Variants in ZNF385B observed in about 807,000 individuals in gnomAD.
The protein encoded by ZNF385B is zinc finger protein 385B.
In ZNF385B, 23 loss-of-function variants were observed where a neutral mutation model predicts 39.2. The observed-to-expected ratio is 0.59, with a 90% CI of 0.42 to 0.83. ZNF385B has a LOEUF of 0.83. Ranked by LOEUF, ZNF385B falls within the 40% of genes least tolerant of loss-of-function variation. The pLI, the probability that ZNF385B is intolerant of heterozygous loss-of-function variation, is 0.00. For synonymous variants in ZNF385B, 205 were observed against 222.6 expected (o/e 0.92, Z 0.70); for missense variants, 552 against 598.9 (o/e 0.92, Z 0.82).
chr2:179,619,571 A>G (rs927920758), intron 3 of ZNF385B, among the ~76,000 whole-genome samples: 13 of 152,208 alleles, frequency 8.5e-5, no homozygotes, highest in African/African-American at 2.7e-4. Context: ...AAACAGTGAT[A>G]CTTTCTATCA....
At chr2:179,525,826 T>C (rs2058851036) in intron 4 of ZNF385B, among the ~76,000 whole-genome samples, 1 of 152,202 alleles carries the variant, frequency 6.6e-6, no homozygotes, top group Non-Finnish European at 1.5e-5. Flanking sequence ...AAGAGCAATA[T>C]TTCTCTAAAG....
intron 3 of ZNF385B, among the ~76,000 whole-genome samples, chr2:179,647,023 G>A (rs965881500): frequency 6.6e-6 from 1 of 152,114 alleles, no homozygotes; most frequent in African/African-American, 2.4e-5. Flanking sequence ...GAAACAGACT[G>A]CCTGCCCTCC....
intron 1 of ZNF385B, among the ~76,000 whole-genome samples, chr2:179,803,870 T>G (rs1706187527): frequency 6.6e-6 from 1 of 152,150 alleles, no homozygotes; most frequent in African/African-American, 2.4e-5. Context: ...TTCACTCAGG[T>G]TGTGCTACAC....
chr2:179,573,777 C>CA (rs1231714781), intron 3 of ZNF385B, among the ~76,000 whole-genome samples: 1 of 152,074 alleles, frequency 6.6e-6, no homozygotes, highest in African/African-American at 2.4e-5. Context: ...AGGAAAAAGA[C>CA]AAGTTGTGTG....
chr2:179,647,008 A>T (rs923576397), intron 3 of ZNF385B, among the ~76,000 whole-genome samples: 6 of 152,204 alleles, frequency 3.9e-5, no homozygotes, highest in African/African-American at 1.4e-4. Context: ...ACTTTTAGAC[A>T]GACAGAAACA....
At chr2:179,708,762 C>A (rs114374523) in intron 3 of ZNF385B, among the ~76,000 whole-genome samples, 144 of 152,236 alleles carry the variant, frequency 9.5e-4, no homozygotes, top group African/African-American at 3.0e-3. Flanking sequence ...TGAAGAGTGG[C>A]ACTGAAACAA....
Position 179,750,469 on chromosome 2 carries a change from A to G in ZNF385B, c.298+19034T>C, listed in dbSNP as rs144245679. ...AAAGTATATCAGTATTCCTTCTACT[A>G]TATGTATCATCACCAGGTCTGAAGT... On this transcript the variant is annotated intron_variant, in intron 3 of 9. Transcript: ENST00000410066. Among the ~76,000 whole-genome samples the G allele has an allele frequency of 8.8e-3, 1,340 of 152,288 alleles. 14 individuals carry two copies. The highest frequency in any genetic ancestry group is 0.03 in the African/African-American group (1,239 of 41,580).
chr2:179,717,847 C>A (rs1326459502), intron 3 of ZNF385B, among the ~76,000 whole-genome samples: 1 of 152,208 alleles, frequency 6.6e-6, no homozygotes, highest in Non-Finnish European at 1.5e-5. Flanking sequence ...AAGCATAGGA[C>A]ATCATATATA....
At chr2:179,842,931 G>A (rs1423453985) in intron 1 of ZNF385B, among the ~76,000 whole-genome samples, 3 of 152,136 alleles carry the variant, frequency 2.0e-5, no homozygotes, top group Non-Finnish European at 4.4e-5. Flanking sequence ...TTGGTGTGGA[G>A]GGAGCCTGCC....
At chr2:179,729,194 A>T (rs1701222416) in intron 3 of ZNF385B, among the ~76,000 whole-genome samples, 1 of 152,012 alleles carries the variant, frequency 6.6e-6, no homozygotes, top group African/African-American at 2.4e-5. Flanking sequence ...TGAAAATCCC[A>T]AAAGGAAACA....
At chr2:179,662,280 A>G (rs1031667745) in intron 3 of ZNF385B, among the ~76,000 whole-genome samples, 5 of 152,144 alleles carry the variant, frequency 3.3e-5, no homozygotes, top group African/African-American at 4.8e-5. Flanking sequence ...GAATAGAAAT[A>G]TCAAAAAGAT....
In ZNF385B at chr2:179,585,590, T is replaced by G. The variant is rs116624304; in HGVS notation, c.299-40621A>C. On this transcript the variant is annotated intron_variant, in intron 3 of 9. Transcript: ENST00000410066. The stretch of plus-strand genomic sequence containing the variant: ...TATCTGTCAAGATCTAAAAATATAT[T>G]TCCATTAAGTGTGTTTATGAAAATC... Among the ~76,000 whole-genome samples, 1,134 of 152,350 alleles carry G rather than the reference T, an allele frequency of 7.4e-3. 15 individuals are homozygous for G. The highest frequency in any genetic ancestry group is 0.026 in the African/African-American group (1,062 of 41,586).
intron 3 of ZNF385B, among the ~76,000 whole-genome samples, chr2:179,649,378 T>C (rs574477855): frequency 1.3e-5 from 2 of 152,354 alleles, no homozygotes; most frequent in African/African-American, 2.4e-5. Flanking sequence ...TCTATGTCTA[T>C]TTTGATGATT....
At chr2:179,843,769 A>G (rs150372976) in intron 1 of ZNF385B, among the ~76,000 whole-genome samples, 5 of 152,338 alleles carry the variant, frequency 3.3e-5, no homozygotes, top group Non-Finnish European at 5.9e-5. Context: ...CCATCTGTCA[A>G]ACTCAATCTA....
At chr2:179,816,017 C>T (rs926775298) in intron 1 of ZNF385B, among the ~76,000 whole-genome samples, 1 of 152,096 alleles carries the variant, frequency 6.6e-6, no homozygotes, top group Non-Finnish European at 1.5e-5. Context: ...CACACACACA[C>T]ACACACCTGC....
At chr2:179,545,797 C>T (rs533023919) in intron 3 of ZNF385B, among the ~76,000 whole-genome samples, 27 of 152,120 alleles carry the variant, frequency 1.8e-4, no homozygotes, top group Non-Finnish European at 3.5e-4. Flanking sequence ...ATTTATGAGG[C>T]ACACAAGATA....
intron 1 of ZNF385B, among the ~76,000 whole-genome samples, chr2:179,792,108 C>T (rs1046617328): frequency 7.2e-5 from 11 of 152,110 alleles, no homozygotes; most frequent in African/African-American, 2.2e-4. Context: ...CTCCTGATTA[C>T]TGGACTTTTG....
intron 3 of ZNF385B, among the ~76,000 whole-genome samples, chr2:179,739,985 C>T (rs1299188570): frequency 1.3e-5 from 2 of 152,044 alleles, no homozygotes; most frequent in Non-Finnish European, 2.9e-5. Context: ...TATACTATTA[C>T]CCATTGTGCA....
Position 179,460,730 on chromosome 2 carries a change from C to T in ZNF385B, c.716-13960G>A, listed in dbSNP as rs549912957. Among the ~76,000 whole-genome samples, 5 of 152,308 alleles carry T rather than the reference C, an allele frequency of 3.3e-5. No homozygotes were observed. In the South Asian group the frequency reaches 6.2e-4, roughly 19 times the overall value. ...CTCAACCAGTCCTGTGGTCCTGACT[C>T]AGAGGCTGACTCAGCCACGAGGACA... On this transcript the variant is annotated intron_variant, in intron 6 of 9. Coordinates refer to ENST00000410066, the MANE Select transcript of ZNF385B (RefSeq NM_152520.6).
Sources: gnomAD v4.1 joint callset for allele counts (sites outside exome capture counted in the v4.1 genomes callset) on GRCh38, gnomAD v4.1.1 for gene constraint, MANE v1.5 for transcripts, NCBI Gene and HGNC (gene_info 2026-07-23, HGNC 2026-07-21) for gene names.